Variants in OR7A5 observed in about 807,000 individuals in gnomAD.
OR7A5 encodes the protein olfactory receptor family 7 subfamily A member 5, also known as olfactory receptor 7A5.
For synonymous variants in OR7A5, 140 were observed against 146.7 expected (o/e 0.95, Z 0.33); for missense variants, 319 against 377.9 (o/e 0.84, Z 1.29).
intron 1 of OR7A5, among the ~76,000 whole-genome samples, chr19:14,831,192 C>A (rs2044828810): frequency 6.6e-6 from 1 of 152,046 alleles, no homozygotes. Context: ...CCTTTTTTGG[C>A]AACAAAGGTA....
Position 14,827,582 on chromosome 19 carries a change from C to T in OR7A5, c.660G>A (p.Lys220=), listed in dbSNP as rs2044782974. ...PLTGILYSYS[K]IISSIHAISS... is the part of the protein sequence containing the mutation. ...AGATTGCATGTATGGAAGAAATTAT[C>T]TTAGAGTAAGAGTAAAGGATCCCAG... The change falls in exon 2 of 2, where the codon AAG becomes AAA. Residue 220 remains lysine (K), a synonymous_variant. Transcript: ENST00000322301. 1.2e-6 allele frequency: 2 copies of T among 1,614,002 alleles called. No individual in the cohort carries two copies. Among genetic ancestry groups the T allele is most frequent in the Non-Finnish European group, 1.7e-6 (2 of 1,180,018 alleles).
chr19:14,834,197 G>A (rs2044861959), intron 1 of OR7A5, among the ~76,000 whole-genome samples: 2 of 152,180 alleles, frequency 1.3e-5, no homozygotes, highest in African/African-American at 4.8e-5. Flanking sequence ...AGGAGGTTGA[G>A]GCAGCAGTGA....
Position 14,827,753 on chromosome 19 carries a change from T to G in OR7A5, c.489A>C (p.Val163=). 1 of 1,614,190 alleles carries G rather than the reference T, an allele frequency of 6.2e-7. No individual in the cohort carries two copies. Among genetic ancestry groups the G allele is most frequent in the Non-Finnish European group, 8.5e-7 (1 of 1,180,028 alleles). Residue 163 remains valine, a synonymous_variant, in exon 2 of 2, where the codon GTA becomes GTC. Transcript: ENST00000322301. ...AGGCTGTGCAGAAGGACAGCCGTAC[T>G]ACCATTAAGATTTGTAGCAAGGAAT... The part of the protein sequence containing the change: ...ALYSLLQILM[V]VRLSFCTALE...
intron 1 of OR7A5, among the ~76,000 whole-genome samples, chr19:14,832,051 G>A (rs1198898648): frequency 6.6e-6 from 1 of 152,034 alleles, no homozygotes; most frequent in Non-Finnish European, 1.5e-5. Context: ...TGGGACGAAA[G>A]GCATGTGTCA....
chr19:14,830,896 A>G (rs2044825440), intron 1 of OR7A5, among the ~76,000 whole-genome samples: 1 of 152,146 alleles, frequency 6.6e-6, no homozygotes, highest in South Asian at 2.1e-4. Context: ...CCCTCAGCTG[A>G]TGGAAAAATG....
chr19:14,833,821 C>T (rs754687213), intron 1 of OR7A5, among the ~76,000 whole-genome samples: 7 of 132,366 alleles, frequency 5.3e-5, no homozygotes, highest in Non-Finnish European at 8.3e-5. Context: ...TCAGCCTGAG[C>T]GGGGATGGAG....
intron 1 of OR7A5, among the ~76,000 whole-genome samples, chr19:14,830,122 C>G (rs1162438813): frequency 1.3e-5 from 2 of 152,186 alleles, no homozygotes; most frequent in Non-Finnish European, 2.9e-5. Flanking sequence ...TTTGGCCTCC[C>G]AAAGTGCTGG....
rs1393025084 is a variant in OR7A5 at position 14,827,282 on chromosome 19, T to A, written c.960A>T (p.Ter320CysextTer9). The A allele has an allele frequency of 3.9e-6, 6 of 1,543,036 alleles. No individual in the cohort carries two copies. Among genetic ancestry groups the A allele is most frequent in the Non-Finnish European group, 5.2e-6 (6 of 1,149,838 alleles). The change falls in exon 2 of 2, where the codon TGA becomes TGT. Residue 320 changes from the stop codon to cysteine, a stop_lost. Coordinates refer to ENST00000322301, the MANE Select transcript of OR7A5 (RefSeq NM_017506.2). The part of the protein sequence containing the change: ...MKGQFFKKCP[*>C] ...ACCTCTGAAGCTTAGAGCCCTGCAA[T>A]CATGGGCACTTCTTGAAAAATTGCC...
At position 14,828,058 on chromosome 19, in the gene OR7A5, A is replaced by T; in HGVS notation, c.184T>A (p.Phe62Ile). ...DSHLHTPMYF[F>I]LSNLSFADIC... ...TCAGCAAAGGACAGGTTGGAGAGGA[A>T]GAAGTACATGGGGGTGTGGAGGTGG... The change falls in exon 2 of 2, where the codon TTC becomes ATC. Residue 62 changes from phenylalanine (F) to isoleucine (I), a missense_variant. Phe to Ile is a conservative substitution (Grantham distance 21). Coordinates refer to ENST00000322301, the MANE Select transcript of OR7A5 (RefSeq NM_017506.2). 6.2e-7 allele frequency: 1 copy of T among 1,614,182 alleles called. No individual in the cohort carries two copies. Among genetic ancestry groups the T allele is most frequent in the South Asian group, 1.1e-5 (1 of 91,082 alleles).
chr19:14,833,303 A>C (rs555635601), intron 1 of OR7A5, among the ~76,000 whole-genome samples: 1 of 152,356 alleles, frequency 6.6e-6, no homozygotes, highest in African/African-American at 2.4e-5. Flanking sequence ...ATATGGCGAA[A>C]CGCCATCTCT....
intron 1 of OR7A5, among the ~76,000 whole-genome samples, chr19:14,834,016 T>A (rs1428377558): frequency 8.1e-6 from 1 of 123,710 alleles, no homozygotes. Flanking sequence ...TCCTAGCACT[T>A]TGGGAGGCTG....
chr19:14,831,458 T>A (rs780933061), intron 1 of OR7A5, among the ~76,000 whole-genome samples: 17 of 152,104 alleles, frequency 1.1e-4, no homozygotes, highest in Admixed American at 2.6e-4. Flanking sequence ...TATTATTATT[T>A]TTTTGAGACA....
Position 14,827,063 on chromosome 19 carries a change from C to A in OR7A5, c.*219G>T. On this transcript the variant is annotated 3_prime_UTR_variant, in exon 2 of 2. Transcript: ENST00000322301. ...TTTCTGATCCAAAGTCGGAAATAAC[C>A]TTGAGAAAGTAGGAAAACAACAAAG... The A allele has an allele frequency of 7.5e-6, 3 of 402,034 alleles. No individual in the cohort carries two copies. Among genetic ancestry groups the A allele is most frequent in the Non-Finnish European group, 1.3e-5 (3 of 234,520 alleles). The allele number at this position is 402,034 out of a possible 1,614,324, so 24.9% of individuals were successfully genotyped here. A position where few individuals can be genotyped will look rare whatever the true frequency, so the allele number is the denominator to read the frequency against.
At chr19:14,831,245 G>A (rs2044829280) in intron 1 of OR7A5, among the ~76,000 whole-genome samples, 1 of 152,096 alleles carries the variant, frequency 6.6e-6, no homozygotes, top group Non-Finnish European at 1.5e-5. Flanking sequence ...AAGAGAATAA[G>A]CCAACAATTC....
intron 1 of OR7A5, among the ~76,000 whole-genome samples, chr19:14,830,020 C>T (rs1440450683): frequency 6.6e-6 from 1 of 152,310 alleles, no homozygotes; most frequent in East Asian, 1.9e-4. Context: ...GTGCCGCCAC[C>T]CTTGGCTGAT....
Position 14,826,954 on chromosome 19 carries a change from A to T in OR7A5, c.*328T>A, listed in dbSNP as rs1336716942. On this transcript the variant is annotated 3_prime_UTR_variant, in exon 2 of 2. Transcript: ENST00000322301. Reference sequence around the variant, plus strand: ...CATATTCCACTATAAATTTACATCAATTACCCCAATTGCCAAGTGTAGTCT... The same window carrying T: ...CATATTCCACTATAAATTTACATCATTTACCCCAATTGCCAAGTGTAGTCT... 1 of 188,416 alleles carries T rather than the reference A, an allele frequency of 5.3e-6. No individual in the cohort carries two copies. The highest frequency in any genetic ancestry group is 1.1e-5 in the Non-Finnish European group (1 of 92,324). The allele number at this position is 188,416 out of a possible 1,614,324, so 11.7% of individuals were successfully genotyped here. A position where few individuals can be genotyped will look rare whatever the true frequency, so the allele number is the denominator to read the frequency against.
At position 14,827,144 on chromosome 19, in the gene OR7A5, A is replaced by G; in HGVS notation, c.*138T>C. On this transcript the variant is annotated 3_prime_UTR_variant, in exon 2 of 2. Transcript: ENST00000322301. ...AAGCTTAATAAAAGGAGTTGCTTAA[A>G]TTCTACAAGACCAGTTGAAATCACA... 4 of 861,128 alleles carry G rather than the reference A, an allele frequency of 4.6e-6. No homozygotes were observed. Among genetic ancestry groups the G allele is most frequent in the Middle Eastern group, 2.9e-4 (1 of 3,412 alleles). 53.3% of individuals were successfully genotyped at this position (861,128 alleles called of 1,614,324 possible).
At position 14,827,593 on chromosome 19, in the gene OR7A5, A is replaced by T. The variant is rs1162345067; in HGVS notation, c.649T>A (p.Ser217Thr). The T allele has an allele frequency of 6.2e-7, 1 of 1,614,194 alleles. No homozygotes were observed. Among genetic ancestry groups the T allele is most frequent in the South Asian group, 1.1e-5 (1 of 91,080 alleles). The change falls in exon 2 of 2, where the codon TCT becomes ACT. Residue 217 changes from serine to threonine, a missense_variant. Physicochemically the swap from Ser to Thr is moderately conservative, Grantham distance 58 (BLOSUM62 1). Transcript: ENST00000322301. Reference protein sequence around the residue: ...GGGPLTGILYSYSKIISSIHA... With the variant: ...GGGPLTGILYTYSKIISSIHA... ...ATGGAAGAAATTATCTTAGAGTAAGAGTAAAGGATCCCAGTCAGGGGACCT... is the reference window on the plus strand; with the variant it reads ...ATGGAAGAAATTATCTTAGAGTAAGTGTAAAGGATCCCAGTCAGGGGACCT...
intron 1 of OR7A5, among the ~76,000 whole-genome samples, chr19:14,830,122 C>A (rs1162438813): frequency 6.6e-6 from 1 of 152,186 alleles, no homozygotes; most frequent in East Asian, 1.9e-4. Flanking sequence ...TTTGGCCTCC[C>A]AAAGTGCTGG....
Sources: gnomAD v4.1 joint callset for allele counts (sites outside exome capture counted in the v4.1 genomes callset) on GRCh38, gnomAD v4.1.1 for gene constraint, MANE v1.5 for transcripts, NCBI Gene and HGNC (gene_info 2026-07-23, HGNC 2026-07-21) for gene names.